RAPGEF5: variants seen among roughly 807,000 people sequenced by gnomAD.
RAPGEF5 encodes Rap guanine nucleotide exchange factor 5, also known as M-Ras-regulated GEF.
A neutral mutation model predicts 125.2 loss-of-function variants in RAPGEF5; 65 were observed. The ratio of observed to expected loss-of-function variants is 0.52; its 90% confidence interval spans 0.43 to 0.64. The LOEUF (loss-of-function observed/expected upper bound fraction) is 0.64, where lower values mean the gene tolerates loss of function less well. Ranked by LOEUF, RAPGEF5 falls within the 30% of genes least tolerant of loss-of-function variation. The pLI, the probability that RAPGEF5 is intolerant of heterozygous loss-of-function variation, is 0.00. For missense variants in RAPGEF5, 958 were observed against 1,048.1 expected (o/e 0.91, Z 1.19); for synonymous variants, 391 against 385.9 (o/e 1.01, Z -0.16).
At chr7:22,223,097 C>T (rs1159393187) in intron 8 of RAPGEF5, among the ~76,000 whole-genome samples, 2 of 152,060 alleles carry the variant, frequency 1.3e-5, no homozygotes, top group Admixed American at 1.3e-4. Context: ...CCAGAGTCAT[C>T]AGAATACAGA....
At chr7:22,227,834 C>G (rs1785957639) in intron 8 of RAPGEF5, among the ~76,000 whole-genome samples, 1 of 151,994 alleles carries the variant, frequency 6.6e-6, no homozygotes, top group Non-Finnish European at 1.5e-5. Context: ...AGAGTAAGAC[C>G]CTGTTGCAAT....
chr7:22,284,549 T>C (rs1290879029), intron 6 of RAPGEF5, among the ~76,000 whole-genome samples: 4 of 152,172 alleles, frequency 2.6e-5, no homozygotes, highest in South Asian at 4.1e-4. Flanking sequence ...CCAAATCATA[T>C]AGTAGCTCTT....
chr7:22,160,635 G>C lies in RAPGEF5; in HGVS notation c.1429-20C>G. The C allele has an allele frequency of 6.6e-7, 1 of 1,521,652 alleles. No homozygotes were observed. Among genetic ancestry groups the C allele is most frequent in the Non-Finnish European group, 8.8e-7 (1 of 1,139,140 alleles). 94.3% of individuals were successfully genotyped at this position (1,521,652 alleles called of 1,614,324 possible). A position where few individuals can be genotyped will look rare whatever the true frequency, so the allele number is the denominator to read the frequency against. Reference sequence around the variant, plus strand: ...TATGGTCTGGAGAAAAAAGACAAATGAGAGCTCAGTGGTTGAATGCCCATT... The same window carrying C: ...TATGGTCTGGAGAAAAAAGACAAATCAGAGCTCAGTGGTTGAATGCCCATT... On this transcript the variant is annotated intron_variant, in intron 13 of 25. Transcript: ENST00000665637.
intron 6 of RAPGEF5, among the ~76,000 whole-genome samples, chr7:22,273,380 G>A (rs1232839870): frequency 2.6e-5 from 4 of 151,780 alleles, no homozygotes; most frequent in East Asian, 3.9e-4. Context: ...CACCGCGCCC[G>A]GCTAATTTTT....
At position 22,318,045 on chromosome 7, in the gene RAPGEF5, A is replaced by C. The variant is rs1472727050; in HGVS notation, c.232-8T>G. The C allele has an allele frequency of 4.6e-6, 7 of 1,524,510 alleles. No homozygotes were observed. The South Asian group carries it at 9.0e-5, about 20-fold the overall frequency. The allele number at this position is 1,524,510 out of a possible 1,614,324, so 94.4% of individuals were successfully genotyped here. On this transcript the variant is annotated splice_polypyrimidine_tract_variant and splice_region_variant and intron_variant, in intron 1 of 25. Coordinates refer to ENST00000665637, the MANE Select transcript of RAPGEF5 (RefSeq NM_012294.5). ...TATTCTTCTTGATAGAGTCTATTTT[A>C]AACAAAGAAAAAAAAAATAGTTAGA...
At chr7:22,284,690 T>C (rs1782755967) in intron 6 of RAPGEF5, among the ~76,000 whole-genome samples, 1 of 152,284 alleles carries the variant, frequency 6.6e-6, no homozygotes, top group Non-Finnish European at 1.5e-5. Flanking sequence ...TGTCATTCAC[T>C]GGGGGTGTAA....
At chr7:22,222,780 G>A (rs1785824008) in intron 8 of RAPGEF5, among the ~76,000 whole-genome samples, 1 of 152,194 alleles carries the variant, frequency 6.6e-6, no homozygotes, top group Admixed American at 6.5e-5. Context: ...TTGGACTGGG[G>A]GAAGTAGTTG....
intron 9 of RAPGEF5, among the ~76,000 whole-genome samples, chr7:22,200,397 G>C (rs139015218): frequency 6.6e-6 from 1 of 152,098 alleles, no homozygotes; most frequent in Non-Finnish European, 1.5e-5. Flanking sequence ...TGTATGTCAA[G>C]GTGAGCCACT....
intron 1 of RAPGEF5, among the ~76,000 whole-genome samples, chr7:22,339,897 C>T (rs1455789231): frequency 2.0e-5 from 3 of 152,186 alleles, no homozygotes; most frequent in African/African-American, 7.2e-5. Context: ...GCAATCAACA[C>T]ATTTGTAACT....
In RAPGEF5 at chr7:22,318,029, T is replaced by C. The variant is rs776768572; in HGVS notation, c.240A>G (p.Ser80=). 2.5e-5 allele frequency: 38 copies of C among 1,540,272 alleles called. No homozygotes were observed. Among genetic ancestry groups the C allele is most frequent in the Non-Finnish European group, 3.1e-5 (36 of 1,144,454 alleles). Residue 80 remains serine (S), a synonymous_variant, in exon 2 of 26, where the codon TCA becomes TCG. Coordinates refer to ENST00000665637, the MANE Select transcript of RAPGEF5 (RefSeq NM_012294.5). ...KRSAAGGRTL[S]RRISNPYLEH... ...CAAGGTACGGATTAGATATTCTTCTTGATAGAGTCTATTTTAAACAAAGAA... is the reference window on the plus strand; with the variant it reads ...CAAGGTACGGATTAGATATTCTTCTCGATAGAGTCTATTTTAAACAAAGAA...
chr7:22,323,682 A>G (rs1783759067), intron 1 of RAPGEF5, among the ~76,000 whole-genome samples: 1 of 152,218 alleles, frequency 6.6e-6, no homozygotes, highest in African/African-American at 2.4e-5. Flanking sequence ...CCTGGACTCC[A>G]AGATGGACCC....
intron 9 of RAPGEF5, among the ~76,000 whole-genome samples, chr7:22,199,268 T>C (rs936715915): frequency 4.0e-5 from 6 of 151,494 alleles, no homozygotes; most frequent in African/African-American, 1.5e-4. Flanking sequence ...AAGGGGAAAA[T>C]GAAGTGCCAA....
At chr7:22,161,539 C>CACAA (rs1279477208) in intron 13 of RAPGEF5, among the ~76,000 whole-genome samples, 23 of 92,570 alleles carry the variant, frequency 2.5e-4, no homozygotes, top group Admixed American at 1.1e-4. Flanking sequence ...CCTGTCTCAA[C>CACAA]ACACACACAC....
At chr7:22,203,477 A>G (rs910870081) in intron 9 of RAPGEF5, among the ~76,000 whole-genome samples, 3 of 152,354 alleles carry the variant, frequency 2.0e-5, no homozygotes, top group South Asian at 4.1e-4. Context: ...GCACAGTTGC[A>G]TCCTTCATTG....
At chr7:22,209,908 T>C (rs1785472561) in intron 9 of RAPGEF5, among the ~76,000 whole-genome samples, 1 of 152,226 alleles carries the variant, frequency 6.6e-6, no homozygotes, top group African/African-American at 2.4e-5. Flanking sequence ...TTACAGAGGC[T>C]AAAAGGTATT....
At position 22,146,973 on chromosome 7, in the gene RAPGEF5, A is replaced by G. The variant is rs377722381; in HGVS notation, c.1931T>C (p.Ile644Thr). 1.9e-6 allele frequency: 3 copies of G among 1,613,714 alleles called. No individual in the cohort carries two copies. The highest frequency in any genetic ancestry group is 2.5e-6 in the Non-Finnish European group (3 of 1,179,760). Residue 644 changes from isoleucine to threonine, a missense_variant, in exon 19 of 26, where the codon ATT (isoleucine) becomes ACT (threonine). Transcript: ENST00000665637. ...NEESQQRSMR[I>T]LGMNTWDLAL... ...AAGATCCCAAGTGTTCATTCCCAAA[A>G]TCCTCATCGACCTTTGCTGTGATTC...
intron 7 of RAPGEF5, among the ~76,000 whole-genome samples, chr7:22,260,012 A>G (rs1374903119): frequency 1.3e-5 from 2 of 152,148 alleles, no homozygotes; most frequent in Admixed American, 1.3e-4. Context: ...TGAAATCGGA[A>G]GGCAGAGGTT....
intron 14 of RAPGEF5, 139 bp downstream of exon 14, chr7:22,160,379 T>G (rs1783948571): frequency 1.4e-6 from 1 of 722,938 alleles, no homozygotes. Context: ...TACAATTTAC[T>G]ACTAGAAAAG....
intron 9 of RAPGEF5, among the ~76,000 whole-genome samples, chr7:22,196,775 C>T (rs181560106): frequency 2.0e-5 from 3 of 152,314 alleles, no homozygotes; most frequent in South Asian, 2.1e-4. Context: ...TGATTTTAAA[C>T]GCTGATGTTT....
Sources: allele counts gnomAD v4.1 joint callset (sites outside exome capture counted in the v4.1 genomes callset), GRCh38; gene constraint gnomAD v4.1.1; transcripts MANE v1.5; gene names NCBI Gene and HGNC (gene_info 2026-07-23, HGNC 2026-07-21).